Variants in CDH13 observed in about 807,000 individuals in gnomAD.
The protein encoded by CDH13 is cadherin-13.
CDH13 carries 24 observed loss-of-function variants against 63.8 expected under a neutral mutation model. The observed-to-expected ratio is 0.38, with a 90% CI of 0.27 to 0.53. The LOEUF (loss-of-function observed/expected upper bound fraction) is 0.53, where lower values mean the gene tolerates loss of function less well. Among genes scored for constraint, CDH13 ranks in the 20% least tolerant of loss-of-function variants. The pLI is 0.85. For synonymous variants in CDH13, 503 were observed against 355.3 expected (o/e 1.42, Z -4.67); for missense variants, 1,049 against 903.1 (o/e 1.16, Z -2.07).
At chr16:82,899,309 A>T (rs2151238740) in intron 2 of CDH13, among the ~76,000 whole-genome samples, 1 of 152,308 alleles carries the variant, frequency 6.6e-6, no homozygotes, top group South Asian at 2.1e-4. Flanking sequence ...ACTAGAAGAC[A>T]ATTTCTTGGT....
At chr16:83,521,347 A>G (rs1382819188) in intron 7 of CDH13, among the ~76,000 whole-genome samples, 1 of 150,280 alleles carries the variant, frequency 6.7e-6, no homozygotes, top group East Asian at 1.9e-4. Context: ...AAATTTAGGA[A>G]AAAAAAAAAG....
At chr16:83,462,132 G>A (rs187454812) in intron 6 of CDH13, among the ~76,000 whole-genome samples, 16 of 152,338 alleles carry the variant, frequency 1.1e-4, no homozygotes, top group Admixed American at 3.3e-4. Flanking sequence ...ATGACTGACA[G>A]CTGTGCTCTG....
chr16:83,301,424 G>C (rs1204172291), intron 5 of CDH13, among the ~76,000 whole-genome samples: 2 of 152,036 alleles, frequency 1.3e-5, no homozygotes, highest in African/African-American at 2.4e-5. Context: ...TGCCGTGCTG[G>C]TTTTACCCAG....
chr16:83,090,275 G>T (rs555965951), intron 3 of CDH13, among the ~76,000 whole-genome samples: 1 of 152,176 alleles, frequency 6.6e-6, no homozygotes, highest in South Asian at 2.1e-4. Context: ...CTATAGAGAT[G>T]CCAAGCCATT....
intron 8 of CDH13, among the ~76,000 whole-genome samples, chr16:83,663,574 G>C (rs1598433086): frequency 6.6e-6 from 1 of 152,088 alleles, no homozygotes; most frequent in South Asian, 2.1e-4. Flanking sequence ...TACTTACAGT[G>C]CTCTTACTTT....
intron 1 of CDH13, among the ~76,000 whole-genome samples, chr16:82,838,894 C>T (rs2038884854): frequency 2.0e-5 from 3 of 152,190 alleles, no homozygotes; most frequent in Non-Finnish European, 4.4e-5. Context: ...GTTCAACCCA[C>T]AAGTCTGCAA....
chr16:83,184,107 CACACACACACACACACACAT>C (rs2038435290), intron 4 of CDH13, among the ~76,000 whole-genome samples: 1 of 146,770 alleles, frequency 6.8e-6, no homozygotes, highest in Non-Finnish European at 1.5e-5. Flanking sequence ...CACACACACA[CACACACACACACACACACAT>C]ACACACACAC....
intron 1 of CDH13, among the ~76,000 whole-genome samples, chr16:82,647,330 A>T (rs886963367): frequency 2.0e-5 from 3 of 152,210 alleles, no homozygotes; most frequent in Non-Finnish European, 4.4e-5. Context: ...GTTGTGAGTG[A>T]CTTGGCTGTA....
intron 4 of CDH13, among the ~76,000 whole-genome samples, chr16:83,198,503 T>C (rs1485540689): frequency 3.3e-5 from 5 of 152,224 alleles, no homozygotes; most frequent in Non-Finnish European, 7.3e-5. Context: ...GCTTTCTATT[T>C]ATTATTCAGA....
chr16:83,139,786 T>C (rs2036452081), intron 4 of CDH13, among the ~76,000 whole-genome samples: 1 of 152,132 alleles, frequency 6.6e-6, no homozygotes, highest in South Asian at 2.1e-4. Context: ...GTGGATCACC[T>C]GAGGTCGGGA....
chr16:82,744,027 A>G (rs565183381), intron 1 of CDH13, among the ~76,000 whole-genome samples: 44 of 152,324 alleles, frequency 2.9e-4, no homozygotes, highest in African/African-American at 1.0e-3. Flanking sequence ...TCCCATTTTT[A>G]AAGCACAAAG....
intron 2 of CDH13, among the ~76,000 whole-genome samples, chr16:82,862,445 C>T (rs1017143361): frequency 1.3e-5 from 2 of 152,206 alleles, no homozygotes; most frequent in Admixed American, 1.3e-4. Context: ...TCATTGAGCT[C>T]ATTAGGAGAA....
chr16:83,538,050 TG>T (rs1352520522), intron 7 of CDH13, among the ~76,000 whole-genome samples: 1 of 152,216 alleles, frequency 6.6e-6, no homozygotes, highest in East Asian at 1.9e-4. Flanking sequence ...GTCATTAAGA[TG>T]TTTCCTAAAC....
intron 10 of CDH13, among the ~76,000 whole-genome samples, chr16:83,718,426 G>A (rs1381886884): frequency 6.6e-6 from 1 of 152,228 alleles, no homozygotes; most frequent in Non-Finnish European, 1.5e-5. Flanking sequence ...AAAGGTGAGT[G>A]TGAGCGTTTT....
At chr16:83,450,544 GA>G (rs963743105) in intron 6 of CDH13, among the ~76,000 whole-genome samples, 3 of 152,050 alleles carry the variant, frequency 2.0e-5, no homozygotes, top group African/African-American at 4.8e-5. Flanking sequence ...AAATCGAACG[GA>G]AAAAAATGTG....
intron 1 of CDH13, among the ~76,000 whole-genome samples, chr16:82,780,506 A>G (rs962690671): frequency 1.3e-5 from 2 of 152,218 alleles, no homozygotes; most frequent in East Asian, 3.8e-4. Context: ...AAGTTGACAT[A>G]TTAGTAAATT....
chr16:83,175,344 A>T (rs975056255), intron 4 of CDH13, among the ~76,000 whole-genome samples: 1 of 152,182 alleles, frequency 6.6e-6, no homozygotes. Flanking sequence ...ATTGATTAAA[A>T]GATGACAAGT....
chr16:83,027,139 C>T (rs1258408068), intron 2 of CDH13, among the ~76,000 whole-genome samples: 1 of 142,238 alleles, frequency 7.0e-6, no homozygotes, highest in African/African-American at 2.6e-5. Flanking sequence ...AATCCTCTAC[C>T]ATTACTAAAT....
rs557872840 is a variant in CDH13 at position 82,941,779 on chromosome 16, C to A, written c.157+83306C>A. 3.0e-4 allele frequency among the ~76,000 whole-genome samples: 45 copies of A among 152,232 alleles called. 1 individual carries two copies. In the East Asian group the frequency reaches 8.3e-3, roughly 28 times the overall value. On this transcript the variant is annotated intron_variant, in intron 2 of 13. Transcript: ENST00000567109. Reference sequence around the variant, plus strand: ...TAATGTTCTGCCCAGTATATGGGGGCTATCACATGGCATGATTATTCTATA... The same window carrying A: ...TAATGTTCTGCCCAGTATATGGGGGATATCACATGGCATGATTATTCTATA...
Sources: gnomAD v4.1 joint callset for allele counts (sites outside exome capture counted in the v4.1 genomes callset) on GRCh38, gnomAD v4.1.1 for gene constraint, MANE v1.5 for transcripts, NCBI Gene and HGNC (gene_info 2026-07-23, HGNC 2026-07-21) for gene names.